Variants in CFAP47 observed in about 807,000 individuals in gnomAD.
CFAP47 encodes the protein cilia and flagella associated protein 47, also known as cilia- and flagella-associated protein 47.
Under a neutral mutation model 148.1 loss-of-function variants are expected in CFAP47, and 29 were observed. The ratio of observed to expected loss-of-function variants is 0.20; its 90% confidence interval spans 0.15 to 0.27. CFAP47 has a LOEUF of 0.27. Ranked by LOEUF, CFAP47 falls within the 10% of genes least tolerant of loss-of-function variation. The pLI, the probability that CFAP47 is intolerant of heterozygous loss-of-function variation, is 1.00. For synonymous variants in CFAP47, 664 were observed against 577.3 expected (o/e 1.15, Z -2.15); for missense variants, 1,872 against 1,697.5 (o/e 1.10, Z -1.81).
At chrX:35,924,497 G>T (rs181087326) in intron 1 of CFAP47, among the ~76,000 whole-genome samples, 2 of 103,515 alleles carry the variant, frequency 1.9e-5, no homozygotes, top group Non-Finnish European at 2.0e-5. Flanking sequence ...ACCTATATGT[G>T]TATATAGGTG....
At chrX:35,921,480 T>G (rs1018806437) in intron 1 of CFAP47, among the ~76,000 whole-genome samples, 1 of 112,206 alleles carries the variant, frequency 8.9e-6, no homozygotes, top group Non-Finnish European at 1.9e-5. Context: ...TGAAACAAGC[T>G]GGTGGTAATA....
intron 39 of CFAP47, among the ~76,000 whole-genome samples, chrX:36,164,341 T>A (rs1165182944): frequency 2.7e-5 from 3 of 111,822 alleles, no homozygotes; most frequent in African/African-American, 9.7e-5. Flanking sequence ...TTACTTTCTG[T>A]CTTTTGGTGC....
At chrX:36,134,682 A>G (rs1939012256) in intron 33 of CFAP47, among the ~76,000 whole-genome samples, 1 of 111,440 alleles carries the variant, frequency 9.0e-6, no homozygotes, top group African/African-American at 3.3e-5. Flanking sequence ...TTATATACAT[A>G]CATATATACA....
chrX:36,254,806 G>GTACT (rs1450222799), intron 49 of CFAP47, among the ~76,000 whole-genome samples: 1 of 111,423 alleles, frequency 9.0e-6, no homozygotes. Flanking sequence ...GGGAGTTGGA[G>GTACT]TACTTATCTG....
chrX:36,159,611 C>A (rs1009284976), intron 38 of CFAP47, 35 bp downstream of exon 38: 1 of 295,561 alleles, frequency 3.4e-6, no homozygotes, highest in Admixed American at 6.1e-5. Flanking sequence ...CTTTGCTTCT[C>A]TTATCAGACC....
intron 32 of CFAP47, among the ~76,000 whole-genome samples, chrX:36,103,619 T>G (rs73470982): frequency 0.027 from 2,774 of 103,520 alleles, 95 homozygotes; most frequent in African/African-American, 0.094. Context: ...AGGGTATCAA[T>G]AGTATCTTTA....
intron 24 of CFAP47, 87 bp from the exon 25 acceptor site, chrX:36,038,897 T>A (rs1237034805): frequency 2.3e-6 from 1 of 433,053 alleles, no homozygotes; most frequent in East Asian, 4.4e-5. Context: ...TCATCGTACA[T>A]TTTGAAATTT....
chrX:36,042,311 A>G (rs967996494), intron 25 of CFAP47, among the ~76,000 whole-genome samples: 3 of 111,622 alleles, frequency 2.7e-5, no homozygotes, highest in African/African-American at 9.7e-5. Flanking sequence ...GCAGGGGGAT[A>G]AGAAAAACAA....
chrX:36,234,509 C>T (rs1202826102), intron 46 of CFAP47, among the ~76,000 whole-genome samples: 21 of 111,789 alleles, frequency 1.9e-4, no homozygotes, highest in African/African-American at 6.8e-4. Flanking sequence ...TCTAGTTTTA[C>T]ATTCGTTTAA....
At chrX:36,317,204 T>C (rs1167206525) in intron 56 of CFAP47, among the ~76,000 whole-genome samples, 1 of 111,455 alleles carries the variant, frequency 9.0e-6, no homozygotes, top group Non-Finnish European at 1.9e-5. Flanking sequence ...GTAGTAATCA[T>C]TGCAAATAGC....
intron 27 of CFAP47, among the ~76,000 whole-genome samples, chrX:36,069,965 C>G (rs1028939090): frequency 8.9e-6 from 1 of 111,792 alleles, no homozygotes; most frequent in Non-Finnish European, 1.9e-5. Context: ...CCACTGGGAA[C>G]TTTTTATCAT....
intron 35 of CFAP47, 127 bp downstream of exon 35, chrX:36,138,591 T>C (rs749710929): frequency 2.8e-6 from 2 of 719,093 alleles, no homozygotes; most frequent in South Asian, 1.0e-4. Context: ...GATGAGACAT[T>C]GCTAAAATGT....
chrX:36,283,804 A>T (rs4554631), intron 50 of CFAP47, among the ~76,000 whole-genome samples: 2,870 of 111,677 alleles, frequency 0.026, 34 homozygotes, highest in Non-Finnish European at 0.038. Flanking sequence ...TGTTCCACAA[A>T]TGGGCAGACT....
chrX:36,383,348 G>T (rs1942096353), intron 63 of CFAP47, among the ~76,000 whole-genome samples: 1 of 111,731 alleles, frequency 9.0e-6, no homozygotes, highest in South Asian at 3.7e-4. Context: ...GCTTACTCAT[G>T]TATACCCACT....
chrX:36,148,117 G>T (rs1458896884), intron 36 of CFAP47, among the ~76,000 whole-genome samples: 2 of 111,931 alleles, frequency 1.8e-5, no homozygotes, highest in African/African-American at 3.3e-5. Context: ...ACAAGGAAAA[G>T]CAGGAATTTA....
chrX:36,174,401 G>A (rs1226020149), intron 39 of CFAP47, among the ~76,000 whole-genome samples: 3 of 109,944 alleles, frequency 2.7e-5, no homozygotes, highest in African/African-American at 1.0e-4. Flanking sequence ...AGTCTCGATG[G>A]TCTTTACATT....
chrX:36,254,145 G>A (rs782561123), intron 49 of CFAP47, among the ~76,000 whole-genome samples: 15 of 111,414 alleles, frequency 1.3e-4, no homozygotes, highest in Non-Finnish European at 2.1e-4. Context: ...GGAGCCTGAT[G>A]GAAGGAAATA....
intron 25 of CFAP47, among the ~76,000 whole-genome samples, chrX:36,043,376 A>G (rs1429010860): frequency 8.9e-6 from 1 of 112,506 alleles, no homozygotes; most frequent in African/African-American, 3.2e-5. Flanking sequence ...CCAAAGTCTC[A>G]TCTGAGACAA....
intron 57 of CFAP47, among the ~76,000 whole-genome samples, chrX:36,333,556 CT>C (rs1309127858): frequency 1.9e-4 from 21 of 111,441 alleles, no homozygotes; most frequent in African/African-American, 6.9e-4. Context: ...GAAAATGTCT[CT>C]AGCTCCAACA....
Sources: gnomAD v4.1 joint callset for allele counts (sites outside exome capture counted in the v4.1 genomes callset) on GRCh38, gnomAD v4.1.1 for gene constraint, MANE v1.5 for transcripts, NCBI Gene and HGNC (gene_info 2026-07-23, HGNC 2026-07-21) for gene names.